Variants in IQGAP3 observed in about 807,000 individuals in gnomAD.
The protein encoded by IQGAP3 is ras GTPase-activating-like protein IQGAP3.
Under a neutral mutation model 208.2 loss-of-function variants are expected in IQGAP3, and 165 were observed. The ratio of observed to expected loss-of-function variants is 0.79; its 90% CI spans 0.70 to 0.90. The LOEUF (loss-of-function observed/expected upper bound fraction) is 0.90. Among genes scored for constraint, IQGAP3 ranks in the 40% least tolerant of loss-of-function variants. The pLI is 0.00. For missense variants in IQGAP3, 1,811 were observed against 2,043.1 expected (o/e 0.89, Z 2.19); for synonymous variants, 703 against 803.6 (o/e 0.87, Z 2.12).
At chr1:156,568,270 A>C (rs1676494672) in intron 2 of IQGAP3, among the ~76,000 whole-genome samples, 2 of 152,132 alleles carry the variant, frequency 1.3e-5, no homozygotes, top group Admixed American at 1.3e-4. Context: ...GCTGGAGTGC[A>C]ATGGCATGAT....
intron 22 of IQGAP3, among the ~76,000 whole-genome samples, chr1:156,542,969 A>T (rs879513459): frequency 8.6e-4 from 64 of 73,998 alleles, no homozygotes; most frequent in South Asian, 3.0e-3. Context: ...ATAATCAATT[A>T]AAAAAAAAAA....
Position 156,540,005 on chromosome 1 carries a change from G to C in IQGAP3, c.2740-15C>G. Reference sequence around the variant, plus strand: ...GAGACCACTTCCTGCAGGGGTGGAGGAGCGGGTGATACAACTAGCCTAGGC... The same window carrying C: ...GAGACCACTTCCTGCAGGGGTGGAGCAGCGGGTGATACAACTAGCCTAGGC... On this transcript the variant is annotated splice_polypyrimidine_tract_variant and intron_variant, in intron 23 of 37. Coordinates refer to ENST00000361170, the MANE Select transcript of IQGAP3 (RefSeq NM_178229.5). 1 of 1,614,062 alleles carries C rather than the reference G, an allele frequency of 6.2e-7. No homozygotes were observed. Among genetic ancestry groups the C allele is most frequent in the Non-Finnish European group, 8.5e-7 (1 of 1,179,992 alleles).
chr1:156,569,290 G>C (rs1200335183), intron 2 of IQGAP3, 86 bp downstream of exon 2: 1 of 825,878 alleles, frequency 1.2e-6, no homozygotes, highest in Non-Finnish European at 2.0e-6. Context: ...CTCTCGATCT[G>C]TTGCATTTGC....
rs1370753468 is a variant in IQGAP3, at chr1:156,540,754, A to G, written c.2693T>C (p.Met898Thr). Reference sequence around the variant, plus strand: ...CACCAGCAGGCCAATCTTGATGTCCATGATGTTGAGGTCCTGCTCCAGCTG... The same window carrying G: ...CACCAGCAGGCCAATCTTGATGTCCGTGATGTTGAGGTCCTGCTCCAGCTG... ...NQQLEQDLNI[M>T]DIKIGLLVKN... Residue 898 changes from methionine to threonine, a missense_variant, in exon 23 of 38, where the codon ATG (methionine) becomes ACG (threonine). By Grantham distance (81) the Met-to-Thr change is moderately conservative. Coordinates refer to ENST00000361170, the MANE Select transcript of IQGAP3 (RefSeq NM_178229.5). 4.3e-6 allele frequency: 7 copies of G among 1,614,046 alleles called. No homozygotes were observed. The highest frequency in any genetic ancestry group is 4.5e-5 in the East Asian group (2 of 44,894).
At chr1:156,528,313 C>T (rs1036101428) in intron 36 of IQGAP3, among the ~76,000 whole-genome samples, 196 bp downstream of exon 36, 1 of 152,212 alleles carries the variant, frequency 6.6e-6, no homozygotes, top group African/African-American at 2.4e-5. Flanking sequence ...TGCCTCAGGG[C>T]ATCTAGAACT....
chr1:156,565,940 A>T, intron 4 of IQGAP3, 87 bp downstream of exon 4: 1 of 994,972 alleles, frequency 1.0e-6, no homozygotes, highest in Non-Finnish European at 1.6e-6. Flanking sequence ...AAATAGGGCT[A>T]AAGGGTCCAG....
At chr1:156,560,846 C>T (rs1185251515) in intron 11 of IQGAP3, 88 bp downstream of exon 11, 3 of 911,624 alleles carry the variant, frequency 3.3e-6, no homozygotes, top group African/African-American at 1.6e-5. Context: ...TGTGTACTGC[C>T]CAATACAGAA....
At chr1:156,549,049 G>C (rs1571338512) in intron 16 of IQGAP3, among the ~76,000 whole-genome samples, 1 of 152,328 alleles carries the variant, frequency 6.6e-6, no homozygotes, top group East Asian at 1.9e-4. Flanking sequence ...TAAAGGCCCA[G>C]AGCAGTGGCT....
chr1:156,547,418 C>G (rs1448273900), intron 19 of IQGAP3, among the ~76,000 whole-genome samples: 1 of 149,342 alleles, frequency 6.7e-6, no homozygotes, highest in African/African-American at 2.5e-5. Context: ...CACACACACA[C>G]ACACACAGAC....
chr1:156,544,054 C>T lies in IQGAP3; in HGVS notation c.2461-4G>A. The T allele has an allele frequency of 6.2e-7, 1 of 1,614,102 alleles. No individual in the cohort carries two copies. Among genetic ancestry groups the T allele is most frequent in the Non-Finnish European group, 8.5e-7 (1 of 1,179,984 alleles). ...GGATCTTCACAATGGAGTTAACCTG[C>T]CACAAACACAGATTGGAAAAGGGTT... On this transcript the variant is annotated splice_region_variant and splice_polypyrimidine_tract_variant and intron_variant, in intron 21 of 37. Coordinates refer to ENST00000361170, the MANE Select transcript of IQGAP3 (RefSeq NM_178229.5).
At position 156,530,258 on chromosome 1, in the gene IQGAP3, C is replaced by T; in HGVS notation, c.4251G>A (p.Glu1417=). The change falls in exon 34 of 38, where the codon GAG becomes GAA. Residue 1417 remains glutamate, a synonymous_variant. Coordinates refer to ENST00000361170, the MANE Select transcript of IQGAP3 (RefSeq NM_178229.5). ...TCAGTGAGCGGTGTCGTCGCAGTGG[C>T]TCCGGTGTCTGGGCTGTACAGGCCT... ...RRQACTAQTP[E]PLRRHRSLTA... 1.2e-6 allele frequency: 2 copies of T among 1,612,640 alleles called. No homozygotes were observed. The highest frequency in any genetic ancestry group is 1.1e-5 in the South Asian group (1 of 90,918).
chr1:156,553,079 T>C (rs181785418), intron 13 of IQGAP3, among the ~76,000 whole-genome samples: 15 of 151,808 alleles, frequency 9.9e-5, no homozygotes, highest in African/African-American at 2.7e-4. Context: ...GAGCTGTGAT[T>C]GCATCACTGC....
At chr1:156,527,705 T>C (rs1449428851) in intron 37 of IQGAP3, among the ~76,000 whole-genome samples, 1 of 152,198 alleles carries the variant, frequency 6.6e-6, no homozygotes, top group Admixed American at 6.5e-5. Flanking sequence ...TTAATCCTGC[T>C]TCTGACACCA....
intron 26 of IQGAP3, among the ~76,000 whole-genome samples, chr1:156,538,105 G>T (rs553821564): frequency 6.6e-6 from 1 of 152,134 alleles, no homozygotes; most frequent in East Asian, 1.9e-4. Context: ...CTGTCGCCCA[G>T]CCTGGAGTGC....
At chr1:156,562,484 G>T in intron 9 of IQGAP3, 103 bp downstream of exon 9, 4 of 921,186 alleles carry the variant, frequency 4.3e-6, no homozygotes, top group South Asian at 4.1e-5. Flanking sequence ...GCCCAAATGA[G>T]ACCATAGGGC....
intron 35 of IQGAP3, 105 bp downstream of exon 35, chr1:156,528,811 G>C: frequency 7.3e-7 from 1 of 1,362,836 alleles, no homozygotes; most frequent in Non-Finnish European, 1.0e-6. Flanking sequence ...GTGCTGTGCT[G>C]GGTGAGATTC....
chr1:156,562,099 G>A, intron 9 of IQGAP3, 98 bp from the exon 10 acceptor site: 1 of 1,110,820 alleles, frequency 9.0e-7, no homozygotes, highest in Non-Finnish European at 1.3e-6. Flanking sequence ...TGCCTGCCCG[G>A]AATTACCCCC....
chr1:156,552,309 C>T (rs1413771212), intron 13 of IQGAP3, among the ~76,000 whole-genome samples: 1 of 152,184 alleles, frequency 6.6e-6, no homozygotes, highest in Non-Finnish European at 1.5e-5. Context: ...AGTCTTCAGA[C>T]CTCTTCTCTC....
At chr1:156,539,280 C>T (rs1211760556) in intron 25 of IQGAP3, 94 bp downstream of exon 25, 1 of 1,222,816 alleles carries the variant, frequency 8.2e-7, no homozygotes, top group Non-Finnish European at 1.2e-6. Context: ...CATTTCTACC[C>T]TTAGGCCTCA....
Sources: allele counts gnomAD v4.1 joint callset (sites outside exome capture counted in the v4.1 genomes callset), GRCh38; gene constraint gnomAD v4.1.1; transcripts MANE v1.5; gene names NCBI Gene and HGNC (gene_info 2026-07-23, HGNC 2026-07-21).